Variants in REPS2 observed in about 807,000 individuals in gnomAD.
REPS2 encodes the protein ralBP1-associated Eps domain-containing protein 2.
A neutral mutation model predicts 53.6 loss-of-function variants in REPS2; 23 were observed. That is an observed-to-expected ratio of 0.43 (90% CI 0.31 to 0.61). The LOEUF is 0.61. REPS2 is among the 20% of genes least tolerant of loss of function. REPS2 has a pLI of 0.11. For synonymous variants in REPS2, 238 were observed against 218.6 expected (o/e 1.09, Z -0.78); for missense variants, 446 against 534.9 (o/e 0.83, Z 1.64).
chrX:17,111,280 A>T (rs1006957071), intron 14 of REPS2, among the ~76,000 whole-genome samples: 7 of 112,053 alleles, frequency 6.2e-5, no homozygotes, highest in Non-Finnish European at 1.3e-4. Flanking sequence ...GTAATATATA[A>T]GTCATTGAAT....
At chrX:17,009,810 C>T (rs1420656775) in intron 2 of REPS2, among the ~76,000 whole-genome samples, 4 of 111,280 alleles carry the variant, frequency 3.6e-5, no homozygotes, top group African/African-American at 1.3e-4. Context: ...GCTTGTTGTA[C>T]TTTGTAAAAC....
At chrX:17,077,470 G>T in intron 13 of REPS2, 63 bp downstream of exon 13, 1 of 1,068,697 alleles carries the variant, frequency 9.4e-7, no homozygotes. Context: ...ATGTGTGTCT[G>T]CCACAGTGGC....
intron 15 of REPS2, 49 bp downstream of exon 15, chrX:17,133,956 C>T (rs372062606): frequency 1.5e-5 from 14 of 943,403 alleles, no homozygotes; most frequent in South Asian, 1.2e-4. Context: ...AGTCCCACCC[C>T]GGGCTTCTTA....
chrX:16,974,949 A>G (rs1015147447), intron 1 of REPS2, among the ~76,000 whole-genome samples: 1 of 110,457 alleles, frequency 9.1e-6, no homozygotes, highest in African/African-American at 3.3e-5. Context: ...TCCCACTTAC[A>G]AGTGAGAACA....
In REPS2 at chrX:17,020,618, A is replaced by C. The variant is rs947135930; in HGVS notation, c.398-1505A>C. Among the ~76,000 whole-genome samples, 17 of 103,472 alleles carry C rather than the reference A, an allele frequency of 1.6e-4. No homozygotes were observed. The South Asian group carries it at 2.5e-3, about 15-fold the overall frequency. The allele number at this position is 103,472 out of a possible 115,157, so 89.9% of individuals were successfully genotyped here. ...CTGATTGATCACACAGGGATTTGTC[A>C]TATTGCCTGCTTCTTTTTTTTTTTT... On this transcript the variant is annotated intron_variant, in intron 2 of 17. Coordinates refer to ENST00000357277, the MANE Select transcript of REPS2 (RefSeq NM_004726.3).
intron 14 of REPS2, among the ~76,000 whole-genome samples, chrX:17,109,068 A>G (rs112095860): frequency 0.025 from 2,743 of 110,219 alleles, 92 homozygotes; most frequent in African/African-American, 0.087. Flanking sequence ...GATTGTAGGG[A>G]AAATGGCTGT....
chrX:16,972,340 G>C (rs1021244570), intron 1 of REPS2, among the ~76,000 whole-genome samples: 1 of 112,281 alleles, frequency 8.9e-6, no homozygotes, highest in Non-Finnish European at 1.9e-5. Context: ...AAAACCTTGA[G>C]CAGTTAATTT....
intron 13 of REPS2, among the ~76,000 whole-genome samples, chrX:17,102,604 T>C (rs2062824083): frequency 8.9e-6 from 1 of 112,254 alleles, no homozygotes; most frequent in Non-Finnish European, 1.9e-5. Flanking sequence ...AAATCATAGA[T>C]AGGCCAACAT....
chrX:17,041,457 A>G (rs761276208), intron 5 of REPS2, among the ~76,000 whole-genome samples: 5 of 111,877 alleles, frequency 4.5e-5, no homozygotes, highest in East Asian at 2.8e-4. Context: ...AGACAAATTG[A>G]TATTCACTTG....
At chrX:17,184,395 A>G in the REPS2 span, among the ~76,000 whole-genome samples, 3 of 105,167 alleles carry the variant, frequency 2.9e-5, no homozygotes, top group African/African-American at 1.0e-4. Context: ...TCCATGGTGT[A>G]TATGTGCCAC....
chrX:16,988,913 C>T (rs998028433), intron 1 of REPS2, among the ~76,000 whole-genome samples: 7 of 111,310 alleles, frequency 6.3e-5, no homozygotes, highest in Admixed American at 4.8e-4. Context: ...TAATGTAATT[C>T]CTGTCAAAAT....
chrX:17,106,901 G>C (rs1366589550), intron 14 of REPS2, among the ~76,000 whole-genome samples: 2 of 111,671 alleles, frequency 1.8e-5, no homozygotes, highest in African/African-American at 3.3e-5. Context: ...ATACTACAAG[G>C]CTACAGTAAC....
At chrX:17,063,879 A>G (rs986532933) in intron 9 of REPS2, among the ~76,000 whole-genome samples, 1 of 107,613 alleles carries the variant, frequency 9.3e-6, no homozygotes, top group Middle Eastern at 4.8e-3. Flanking sequence ...CTTCTTTAAA[A>G]CGGCCATAAA....
At position 17,024,971 on chromosome X, in the gene REPS2, G is replaced by A. The variant is rs748015611; in HGVS notation, c.547-88G>A. On this transcript the variant is annotated intron_variant, in intron 3 of 17. Coordinates refer to ENST00000357277, the MANE Select transcript of REPS2 (RefSeq NM_004726.3). ...ATTTGTTAAACCAGCTGGGTCACCA[G>A]CAGTAGAGTTGCGTTATGCTTCCTG... is the stretch of plus-strand genomic sequence containing the variant. 3.3e-5 allele frequency: 38 copies of A among 1,167,676 alleles called. No individual in the cohort carries two copies. The African/African-American group carries it at 6.2e-4, about 19-fold the overall frequency.
chrX:17,033,280 G>A (rs979096811), intron 5 of REPS2, among the ~76,000 whole-genome samples: 1 of 110,981 alleles, frequency 9.0e-6, no homozygotes, highest in Non-Finnish European at 1.9e-5. Flanking sequence ...TGCTTCTATG[G>A]CTGCCCCTGC....
chrX:17,190,053 G>T, the REPS2 span, among the ~76,000 whole-genome samples: 1 of 112,337 alleles, frequency 8.9e-6, no homozygotes, highest in South Asian at 3.7e-4. Context: ...CCCAGTTTTA[G>T]TTGTCAGTAT....
intron 1 of REPS2, among the ~76,000 whole-genome samples, chrX:16,962,197 C>T (rs1206213338): frequency 1.8e-5 from 2 of 108,951 alleles, no homozygotes; most frequent in Non-Finnish European, 3.8e-5. Context: ...GTGTTCATTG[C>T]AGCATTATTC....
At chrX:17,114,650 T>C (rs751773525) in intron 14 of REPS2, among the ~76,000 whole-genome samples, 1 of 112,599 alleles carries the variant, frequency 8.9e-6, no homozygotes, top group Non-Finnish European at 1.9e-5. Context: ...AAACTACTTT[T>C]AGAGACCAGC....
the REPS2 span, among the ~76,000 whole-genome samples, chrX:17,180,640 AC>A: frequency 9.2e-6 from 1 of 108,418 alleles, no homozygotes; most frequent in Non-Finnish European, 1.9e-5. Context: ...ACACACACAC[AC>A]GCACACACAC....
Sources: gnomAD v4.1 joint callset for allele counts (sites outside exome capture counted in the v4.1 genomes callset) on GRCh38, gnomAD v4.1.1 for gene constraint, MANE v1.5 for transcripts, NCBI Gene and HGNC (gene_info 2026-07-23, HGNC 2026-07-21) for gene names.